Variants in MAPK1IP1L observed in about 807,000 individuals in gnomAD.
MAPK1IP1L encodes the protein MAPK-interacting and spindle-stabilizing protein-like.
MAPK1IP1L carries 10 observed loss-of-function variants against 18.1 expected under a neutral mutation model. The ratio of observed to expected loss-of-function variants is 0.55; its 90% CI spans 0.34 to 0.94. The LOEUF (loss-of-function observed/expected upper bound fraction) is 0.94. Among genes scored for constraint, MAPK1IP1L ranks in the 40% least tolerant of loss-of-function variants. The pLI is 0.02. For synonymous variants in MAPK1IP1L, 115 were observed against 117.3 expected (o/e 0.98, Z 0.13); for missense variants, 260 against 318.2 (o/e 0.82, Z 1.39).
chr14:55,068,661 T>G lies in MAPK1IP1L; in HGVS notation c.*4034T>G, dbSNP rs1469477338. 6.6e-6 allele frequency: 1 copy of G among 152,228 alleles called. No individual in the cohort carries two copies. Among genetic ancestry groups the G allele is most frequent in the Non-Finnish European group, 1.5e-5 (1 of 68,034 alleles). The allele number at this position is 152,228 out of a possible 1,614,324, so 9.4% of individuals were successfully genotyped here. ...GTGGCGTTCAGGGAAGACTTTGATT[T>G]TAATAAAGCAATATTTAGTATTGAA... On this transcript the variant is annotated 3_prime_UTR_variant, in exon 4 of 4. Coordinates refer to ENST00000395468, the MANE Select transcript of MAPK1IP1L (RefSeq NM_144578.4).
At chr14:55,051,867 C>G in intron 1 of MAPK1IP1L, 64 bp downstream of exon 1, 2 of 428,800 alleles carry the variant, frequency 4.7e-6, no homozygotes, top group Non-Finnish European at 9.3e-6. Flanking sequence ...GTTGCGGAGC[C>G]CGCGGGCGCG....
At chr14:55,058,657 C>G (rs1405478196) in intron 1 of MAPK1IP1L, among the ~76,000 whole-genome samples, 2 of 151,962 alleles carry the variant, frequency 1.3e-5, no homozygotes, top group Non-Finnish European at 2.9e-5. Flanking sequence ...GTGGTGAAAC[C>G]CTGTCTCTAT....
intron 1 of MAPK1IP1L, among the ~76,000 whole-genome samples, chr14:55,052,045 G>A (rs945353937): frequency 1.3e-5 from 2 of 152,230 alleles, no homozygotes; most frequent in South Asian, 2.1e-4. Flanking sequence ...GGAGGCCGCT[G>A]ACGTCGCGCC....
intron 1 of MAPK1IP1L, chr14:55,060,273 G>A (rs1194490199): frequency 7.1e-6 from 1 of 140,184 alleles, no homozygotes; most frequent in African/African-American, 2.7e-5. Flanking sequence ...CCAGGTTCAT[G>A]CCATTCTCCT....
chr14:55,059,851 A>G (rs2042802582), intron 1 of MAPK1IP1L, among the ~76,000 whole-genome samples: 1 of 152,156 alleles, frequency 6.6e-6, no homozygotes, highest in Non-Finnish European at 1.5e-5. Flanking sequence ...AATATTGGAT[A>G]GATGCTAGTT....
intron 1 of MAPK1IP1L, chr14:55,060,340 C>G (rs947625658): frequency 6.6e-6 from 1 of 151,484 alleles, no homozygotes; most frequent in Non-Finnish European, 1.5e-5. Context: ...CTGGGCTAAT[C>G]GTTTTTTTGT....
chr14:55,063,231 C>T lies in MAPK1IP1L; in HGVS notation c.632C>T (p.Ser211Leu), dbSNP rs777849544. Reference sequence around the variant, plus strand: ...GCACCATATCCTGCCCCTACAGGATCGTATCCCACACCAGGACTCTATCCT... The same window carrying T: ...GCACCATATCCTGCCCCTACAGGATTGTATCCCACACCAGGACTCTATCCT... ...PPAPYPAPTG[S>L]YPTPGLYPTP... The change falls in exon 3 of 4, where the codon TCG becomes TTG. Residue 211 changes from serine to leucine, a missense_variant. Coordinates refer to ENST00000395468, the MANE Select transcript of MAPK1IP1L (RefSeq NM_144578.4). The T allele has an allele frequency of 8.1e-6, 13 of 1,614,154 alleles. No homozygotes were observed. Among genetic ancestry groups the T allele is most frequent in the East Asian group, 2.2e-5 (1 of 44,872 alleles).
In MAPK1IP1L at chr14:55,051,665, A is replaced by T; in HGVS notation, c.-143A>T. Reference sequence around the variant, plus strand: ...GCTCGGCGCTTCCTGTTCCGGCGCCAGGAGGAGCCGCGCGCTGCTGGTGCT... The same window carrying T: ...GCTCGGCGCTTCCTGTTCCGGCGCCTGGAGGAGCCGCGCGCTGCTGGTGCT... On this transcript the variant is annotated 5_prime_UTR_variant, in exon 1 of 4. Transcript: ENST00000395468. 1.9e-6 allele frequency: 1 copy of T among 514,242 alleles called. No homozygotes were observed. Among genetic ancestry groups the T allele is most frequent in the South Asian group, 1.4e-5 (1 of 71,320 alleles). 31.9% of individuals were successfully genotyped at this position (514,242 alleles called of 1,614,324 possible).
chr14:55,061,571 TTAAG>T (rs1291133877), intron 1 of MAPK1IP1L, 105 bp from the exon 2 acceptor site: 2 of 733,210 alleles, frequency 2.7e-6, no homozygotes, highest in East Asian at 3.0e-5. Context: ...AAGATTCCGC[TTAAG>T]TAATAATAAT....
chr14:55,064,701 A>G lies in MAPK1IP1L; in HGVS notation c.*74A>G. 1 of 1,483,098 alleles carries G rather than the reference A, an allele frequency of 6.7e-7. No homozygotes were observed. The highest frequency in any genetic ancestry group is 2.3e-5 in the East Asian group (1 of 44,056). 91.9% of individuals were successfully genotyped at this position (1,483,098 alleles called of 1,614,324 possible). ...TATGCACATGAATGCATATATAAAA[A>G]TTGCTGGTTTCACTATTAGAGGGCA... On this transcript the variant is annotated 3_prime_UTR_variant, in exon 4 of 4. Coordinates refer to ENST00000395468, the MANE Select transcript of MAPK1IP1L (RefSeq NM_144578.4).
At position 55,065,739 on chromosome 14, in the gene MAPK1IP1L, A is replaced by G. The variant is rs1167799677; in HGVS notation, c.*1112A>G. On this transcript the variant is annotated 3_prime_UTR_variant, in exon 4 of 4. Coordinates refer to ENST00000395468, the MANE Select transcript of MAPK1IP1L (RefSeq NM_144578.4). ...ATCAAAATATGTATCTCTTTTTCAGAGTCTGGTTAAGCTATGTCATTGTCT... is the reference window on the plus strand; with the variant it reads ...ATCAAAATATGTATCTCTTTTTCAGGGTCTGGTTAAGCTATGTCATTGTCT... 6.6e-6 allele frequency: 1 copy of G among 152,122 alleles called. No homozygotes were observed. Among genetic ancestry groups the G allele is most frequent in the African/African-American group, 2.4e-5 (1 of 41,424 alleles). The allele number at this position is 152,122 out of a possible 1,614,324, so 9.4% of individuals were successfully genotyped here.
chr14:55,062,922 C>T lies in MAPK1IP1L; in HGVS notation c.323C>T (p.Pro108Leu), dbSNP rs768779602. The T allele has an allele frequency of 5.0e-6, 8 of 1,613,904 alleles. No homozygotes were observed. Among genetic ancestry groups the T allele is most frequent in the East Asian group, 4.5e-5 (2 of 44,878 alleles). ...GGTCCTTATCCAGCCCCAACTGTGC[C>T]GGGCCCTGGCCCCACAGGGCCATAT... ...PGGPYPAPTV[P>L]GPGPTGPYPT... is the part of the protein sequence containing the mutation. Residue 108 changes from proline to leucine, a missense_variant, in exon 3 of 4, where the codon CCG (proline) becomes CTG (leucine). Pro to Leu is a moderately conservative substitution (Grantham distance 98). Transcript: ENST00000395468.
Position 55,062,855 on chromosome 14 carries a change from G to A in MAPK1IP1L, c.256G>A (p.Ala86Thr). 6.2e-7 allele frequency: 1 copy of A among 1,613,994 alleles called. No homozygotes were observed. Among genetic ancestry groups the A allele is most frequent in the Non-Finnish European group, 8.5e-7 (1 of 1,179,974 alleles). Residue 86 changes from alanine (A) to threonine (T), a missense_variant, in exon 3 of 4, where the codon GCA (alanine) becomes ACA (threonine). Coordinates refer to ENST00000395468, the MANE Select transcript of MAPK1IP1L (RefSeq NM_144578.4). Reference protein sequence around the residue: ...PPTGPPPGPPAPFPPSGPSCP... With the variant: ...PPTGPPPGPPTPFPPSGPSCP... ...CACCGGACCACCTCCAGGACCCCCA[G>A]CACCCTTTCCTCCTTCCGGACCATC...
chr14:55,060,471 G>T (rs939849821), intron 1 of MAPK1IP1L: 1 of 151,978 alleles, frequency 6.6e-6, no homozygotes, highest in African/African-American at 2.4e-5. Flanking sequence ...CACTGCACCC[G>T]GCCAAAAAAT....
intron 1 of MAPK1IP1L, among the ~76,000 whole-genome samples, chr14:55,057,891 C>T (rs2042784183): frequency 6.6e-6 from 1 of 152,048 alleles, no homozygotes. Flanking sequence ...GCTGTGATCA[C>T]ACCACTGCAC....
intron 1 of MAPK1IP1L, among the ~76,000 whole-genome samples, chr14:55,059,193 T>A (rs1594624661): frequency 9.8e-6 from 1 of 101,874 alleles, no homozygotes; most frequent in Non-Finnish European, 2.0e-5. Flanking sequence ...TTTTTAACGA[T>A]CTGGAAAAAA....
intron 1 of MAPK1IP1L, among the ~76,000 whole-genome samples, chr14:55,056,565 A>G (rs2042772926): frequency 1.3e-5 from 2 of 152,270 alleles, no homozygotes; most frequent in South Asian, 4.1e-4. Flanking sequence ...GCTGGAGTGC[A>G]GTGGCTTGAT....
rs1361511054 is a variant in MAPK1IP1L at position 55,070,116 on chromosome 14, T to C, written c.*5489T>C. 2.0e-5 allele frequency: 3 copies of C among 152,238 alleles called. No homozygotes were observed. The highest frequency in any genetic ancestry group is 4.4e-5 in the Non-Finnish European group (3 of 68,046). 9.4% of individuals were successfully genotyped at this position (152,238 alleles called of 1,614,324 possible). On this transcript the variant is annotated 3_prime_UTR_variant, in exon 4 of 4. Transcript: ENST00000395468. Reference sequence around the variant, plus strand: ...ATTTTAAATTGTTTTTGATATGTTATTCAATATCCCATGAAAGTATTCACC... The same window carrying C: ...ATTTTAAATTGTTTTTGATATGTTACTCAATATCCCATGAAAGTATTCACC...
At position 55,068,024 on chromosome 14, in the gene MAPK1IP1L, C is replaced by T. The variant is rs911249301; in HGVS notation, c.*3397C>T. 1 of 152,212 alleles carries T rather than the reference C, an allele frequency of 6.6e-6. No individual in the cohort carries two copies. Among genetic ancestry groups the T allele is most frequent in the Non-Finnish European group, 1.5e-5 (1 of 68,036 alleles). 9.4% of individuals were successfully genotyped at this position (152,212 alleles called of 1,614,324 possible). A position where few individuals can be genotyped will look rare whatever the true frequency, so the allele number is the denominator to read the frequency against. ...GAATCAAGTGGAGCACTTCAAAGAC[C>T]TTGGCTTGTCTGTCCCATCCTGCCA... On this transcript the variant is annotated 3_prime_UTR_variant, in exon 4 of 4. Transcript: ENST00000395468.
Sources: allele counts gnomAD v4.1 joint callset (sites outside exome capture counted in the v4.1 genomes callset), GRCh38; gene constraint gnomAD v4.1.1; transcripts MANE v1.5; gene names NCBI Gene and HGNC (gene_info 2026-07-23, HGNC 2026-07-21).